PTPRU: variants seen among roughly 807,000 people sequenced by gnomAD.
PTPRU encodes the protein protein tyrosine phosphatase receptor type U.
Under a neutral mutation model 166.3 loss-of-function variants are expected in PTPRU, and 69 were observed. That is an observed-to-expected ratio of 0.41 (90% CI 0.34 to 0.51). PTPRU has a LOEUF of 0.51. Among genes scored for constraint, PTPRU ranks in the 20% least tolerant of loss-of-function variants. The pLI is 0.09. For missense variants in PTPRU, 1,657 were observed against 2,013.7 expected (o/e 0.82, Z 3.39); for synonymous variants, 793 against 814.0 (o/e 0.97, Z 0.44).
chr1:29,277,651 G>A (rs1392197058), intron 8 of PTPRU, among the ~76,000 whole-genome samples: 5 of 151,944 alleles, frequency 3.3e-5, no homozygotes. Context: ...CATTCTGAAT[G>A]GTTTTGATAT....
chr1:29,299,691 C>T (rs1687051318), intron 15 of PTPRU, among the ~76,000 whole-genome samples: 1 of 152,166 alleles, frequency 6.6e-6, no homozygotes, highest in South Asian at 2.1e-4. Flanking sequence ...GATTCTCTGC[C>T]ACCCTCATTT....
rs1266507558 is a variant in PTPRU at position 29,259,255 on chromosome 1, C to T, written c.478-6C>T. 6.2e-7 allele frequency: 1 copy of T among 1,611,694 alleles called. No individual in the cohort carries two copies. Among genetic ancestry groups the T allele is most frequent in the African/African-American group, 1.3e-5 (1 of 74,854 alleles). ...AGTATGATAGGGGCCCTCCCGCCTCCCCCAGGTGCTGTTTGAGGCCCTCAT... is the reference window on the plus strand; with the variant it reads ...AGTATGATAGGGGCCCTCCCGCCTCTCCCAGGTGCTGTTTGAGGCCCTCAT... On this transcript the variant is annotated splice_polypyrimidine_tract_variant and splice_region_variant and intron_variant, in intron 3 of 29. Coordinates refer to ENST00000373779, the MANE Select transcript of PTPRU (RefSeq NM_133178.4).
rs938486498 is a variant in PTPRU at position 29,283,922 on chromosome 1, C to T, written c.2143-18C>T. On this transcript the variant is annotated intron_variant, in intron 12 of 29. Transcript: ENST00000373779. ...GTCGGGGCTTCAGCAACGCTGAGACCCCCATCTGTGCCTCCAGGAGACCCG... is the reference window on the plus strand; with the variant it reads ...GTCGGGGCTTCAGCAACGCTGAGACTCCCATCTGTGCCTCCAGGAGACCCG... 2 of 1,613,992 alleles carry T rather than the reference C, an allele frequency of 1.2e-6. No homozygotes were observed. The highest frequency in any genetic ancestry group is 1.7e-6 in the Non-Finnish European group (2 of 1,180,002).
rs765281340 is a variant in PTPRU at position 29,275,152 on chromosome 1, AGGCAG to A, written c.1145-292_1145-288del. Reference sequence around the variant, plus strand: ...CCTTAAACCTTACAATGATCCTATGAGGCAGGGCCTATTATCTTTTCATTTTGCAG... The same window carrying A: ...CCTTAAACCTTACAATGATCCTATGAGGCCTATTATCTTTTCATTTTGCAG... On this transcript the variant is annotated intron_variant, in intron 7 of 29. Transcript: ENST00000373779. Among the ~76,000 whole-genome samples the A allele has an allele frequency of 5.3e-5, 8 of 152,044 alleles. No individual in the cohort carries two copies. In the Middle Eastern group the frequency reaches 0.01, roughly 194 times the overall value.
Position 29,257,361 on chromosome 1 carries a change from T to C in PTPRU, c.206-1144T>C, listed in dbSNP as rs1374237457. On this transcript the variant is annotated intron_variant, in intron 2 of 29. Coordinates refer to ENST00000373779, the MANE Select transcript of PTPRU (RefSeq NM_133178.4). This position sits in a 1 kb window ranked among gnomAD's most constrained non-coding sequence, Gnocchi z 4.6. ...AGCCGCCTCCATAGGGCTTCTAGCT[T>C]ACAGAGATGAATGAGATCGCCTCCA... Among the ~76,000 whole-genome samples the C allele has an allele frequency of 6.6e-6, 1 of 152,086 alleles. No homozygotes were observed. The highest frequency in any genetic ancestry group is 2.4e-5 in the African/African-American group (1 of 41,396).
At chr1:29,273,044 G>T (rs535178790) in intron 7 of PTPRU, among the ~76,000 whole-genome samples, 2 of 152,230 alleles carry the variant, frequency 1.3e-5, no homozygotes, top group Admixed American at 6.5e-5. Context: ...CACTTTGCAG[G>T]CGATCACAGA....
chr1:29,314,703 G>C (rs1373576264), intron 22 of PTPRU, among the ~76,000 whole-genome samples: 1 of 151,902 alleles, frequency 6.6e-6, no homozygotes, highest in Non-Finnish European at 1.5e-5. Context: ...TCAGCCTCCT[G>C]AGTAGCTGGA....
rs1283786188 is a variant in PTPRU at position 29,292,004 on chromosome 1, C to T, written c.2454C>T (p.Asp818=). The change falls in exon 15 of 30, where the codon GAC becomes GAT. Residue 818 remains aspartate, a synonymous_variant. Coordinates refer to ENST00000373779, the MANE Select transcript of PTPRU (RefSeq NM_133178.4). The stretch of plus-strand genomic sequence containing the variant: ...AGCGGCTGGGCCTGTCCTTCATGGA[C>T]ACCCATGGCTACAGCACCCGGGGTG... The part of the protein sequence containing the change: ...EDERLGLSFM[D]THGYSTRGDQ... 2.5e-6 allele frequency: 4 copies of T among 1,614,204 alleles called. No homozygotes were observed. Among genetic ancestry groups the T allele is most frequent in the Non-Finnish European group, 2.5e-6 (3 of 1,180,028 alleles).
chr1:29,279,651 A>G lies in PTPRU; in HGVS notation c.1759A>G (p.Ile587Val). The change falls in exon 10 of 30, where the codon ATC becomes GTC. Residue 587 changes from isoleucine to valine, a missense_variant. Physicochemically the swap from Ile to Val is conservative, Grantham distance 29 (BLOSUM62 3). Transcript: ENST00000373779. The surrounding 1 kb of genome is among the most constrained non-coding windows in gnomAD (Gnocchi z 5.2). ...QAALTEITTN[I>V]SAPSFDYADM... ...GGCACTCACTGAGATAACCACTAAC[A>G]TCTCTGGTGAGCCCCACCTGACCCG... 1 of 1,610,860 alleles carries G rather than the reference A, an allele frequency of 6.2e-7. No individual in the cohort carries two copies. Among genetic ancestry groups the G allele is most frequent in the Non-Finnish European group, 8.5e-7 (1 of 1,179,872 alleles).
In PTPRU at chr1:29,312,427, T is replaced by G. The variant is rs1687706688; in HGVS notation, c.3073-125T>G. On this transcript the variant is annotated intron_variant, in intron 21 of 29. Coordinates refer to ENST00000373779, the MANE Select transcript of PTPRU (RefSeq NM_133178.4). The stretch of plus-strand genomic sequence containing the variant: ...CATTAATACCTACTTCATCAGTAAA[T>G]TGATCATTGGGATTAGTTGAGATTA... 3.2e-6 allele frequency: 3 copies of G among 932,522 alleles called. No homozygotes were observed. In the South Asian group the frequency reaches 8.7e-5, roughly 27 times the overall value. The allele number at this position is 932,522 out of a possible 1,614,324, so 57.8% of individuals were successfully genotyped here. A position where few individuals can be genotyped will look rare whatever the true frequency, so the allele number is the denominator to read the frequency against.
At chr1:29,259,600 T>TTTTTTGGGGGGGGGGGGGGGG in intron 5 of PTPRU, 36 bp downstream of exon 5, 7 of 253,538 alleles carry the variant, frequency 2.8e-5, no homozygotes, top group East Asian at 8.6e-5. Flanking sequence ...GGGGGCGGGG[T>TTTTTTGGGGGGGGGGGGGGGG]GGGAGGGGGT....
chr1:29,278,122 G>A (rs1054573826), intron 8 of PTPRU, among the ~76,000 whole-genome samples: 35 of 151,962 alleles, frequency 2.3e-4, no homozygotes, highest in African/African-American at 8.0e-4. Context: ...TGCCCAGCCA[G>A]TTGTCCTTCT....
chr1:29,287,223 G>C (rs1686395830), intron 14 of PTPRU, among the ~76,000 whole-genome samples: 1 of 152,154 alleles, frequency 6.6e-6, no homozygotes, highest in Non-Finnish European at 1.5e-5. Flanking sequence ...TGCATCTGCT[G>C]TAGGGGAATT....
In PTPRU at chr1:29,257,481, CG is replaced by C. The variant is rs1558553217; in HGVS notation, c.206-1021del. Among the ~76,000 whole-genome samples the C allele has an allele frequency of 6.6e-6, 1 of 152,098 alleles. No individual in the cohort carries two copies. The highest frequency in any genetic ancestry group is 2.4e-5 in the African/African-American group (1 of 41,406). ...GGGAGGAGGCAGCGCTGGGTGGTTTCGGGTGCCCTTTGGGAAGCCCAAATCC... is the reference window on the plus strand; with the variant it reads ...GGGAGGAGGCAGCGCTGGGTGGTTTCGGTGCCCTTTGGGAAGCCCAAATCC... On this transcript the variant is annotated intron_variant, in intron 2 of 29. Transcript: ENST00000373779. The surrounding 1 kb of genome is among the most constrained non-coding windows in gnomAD (Gnocchi z 4.6).
chr1:29,319,058 G>A (rs937104670), intron 25 of PTPRU, among the ~76,000 whole-genome samples: 2 of 152,034 alleles, frequency 1.3e-5, no homozygotes, highest in Non-Finnish European at 2.9e-5. Flanking sequence ...AGCTGAAGGG[G>A]AGGGGAAGAG....
chr1:29,297,107 G>A (rs1686923437), intron 15 of PTPRU, among the ~76,000 whole-genome samples: 1 of 140,346 alleles, frequency 7.1e-6, no homozygotes, highest in South Asian at 2.3e-4. Flanking sequence ...AGGCTGGAGT[G>A]CAGTGGTGCA....
chr1:29,240,509 C>T (rs554810783), intron 1 of PTPRU, among the ~76,000 whole-genome samples: 3 of 152,204 alleles, frequency 2.0e-5, no homozygotes, highest in South Asian at 2.1e-4. Context: ...AACCAGGTTT[C>T]CCTCCAGGAA....
rs1683827032 is a variant in PTPRU at position 29,237,569 on chromosome 1, G to A, written c.73+852G>A. ...GCAGGACGTGTGTGCGCGCGTGTGC[G>A]TGTGCGCGTGTGTGGCGCGCTGGGC... is the stretch of plus-strand genomic sequence containing the variant. On this transcript the variant is annotated intron_variant, in intron 1 of 29. Transcript: ENST00000373779. This position sits in a 1 kb window ranked among gnomAD's most constrained non-coding sequence, Gnocchi z 6.4. 6.6e-6 allele frequency among the ~76,000 whole-genome samples: 1 copy of A among 151,794 alleles called. No individual in the cohort carries two copies. Among genetic ancestry groups the A allele is most frequent in the Non-Finnish European group, 1.5e-5 (1 of 67,884 alleles).
chr1:29,266,076 A>C (rs1416863550), intron 7 of PTPRU, among the ~76,000 whole-genome samples: 2 of 130,142 alleles, frequency 1.5e-5, no homozygotes, highest in East Asian at 4.4e-4. Context: ...GCTGGAGTGC[A>C]ATGGCATGAT....
Sources: gnomAD v4.1 joint callset for allele counts (sites outside exome capture counted in the v4.1 genomes callset) on GRCh38, gnomAD v4.1.1 for gene constraint, Gnocchi (gnomAD v3.1) non-coding constraint, MANE v1.5 for transcripts, NCBI Gene and HGNC (gene_info 2026-07-23, HGNC 2026-07-21) for gene names.